The following TUBGCP3 variants were observed in gnomAD, a reference collection of about 807,000 sequenced individuals.
The protein encoded by TUBGCP3 is gamma-tubulin complex component 3.
In TUBGCP3, 50 loss-of-function variants were observed where a neutral mutation model predicts 123.1. That is an observed-to-expected ratio of 0.41 (90% CI 0.32 to 0.51). The LOEUF (loss-of-function observed/expected upper bound fraction) is 0.51. Ranked by LOEUF, TUBGCP3 falls within the 20% of genes least tolerant of loss-of-function variation. TUBGCP3 has a pLI of 0.36. For synonymous variants in TUBGCP3, 405 were observed against 413.9 expected (o/e 0.98, Z 0.26); for missense variants, 882 against 1,127.0 (o/e 0.78, Z 3.11).
At chr13:112,547,877 A>T in intron 9 of TUBGCP3, 125 bp from the exon 10 acceptor site, 1 of 1,104,292 alleles carries the variant, frequency 9.1e-7, no homozygotes, top group Non-Finnish European at 1.2e-6. Flanking sequence ...AGTCCCCTTT[A>T]AAAAAAAATA....
intron 1 of TUBGCP3, among the ~76,000 whole-genome samples, chr13:112,581,665 C>T (rs1363154597): frequency 6.6e-6 from 1 of 152,094 alleles, no homozygotes; most frequent in African/African-American, 2.4e-5. Flanking sequence ...AGGCTGGTCT[C>T]GAACTCCTGG....
intron 8 of TUBGCP3, among the ~76,000 whole-genome samples, chr13:112,549,746 T>C (rs1009707339): frequency 6.6e-6 from 1 of 151,770 alleles, no homozygotes; most frequent in Non-Finnish European, 1.5e-5. Context: ...TCCTAGCACT[T>C]TGGGAGGCCA....
chr13:112,495,105 T>C (rs148646529), intron 20 of TUBGCP3, among the ~76,000 whole-genome samples: 1 of 152,342 alleles, frequency 6.6e-6, no homozygotes, highest in East Asian at 1.9e-4. Context: ...TGGCTGCCAG[T>C]GCTTGCAGAG....
At chr13:112,551,788 C>G (rs1318590479) in intron 8 of TUBGCP3, among the ~76,000 whole-genome samples, 1 of 151,898 alleles carries the variant, frequency 6.6e-6, no homozygotes, top group Admixed American at 6.6e-5. Flanking sequence ...AAAGAAGAGC[C>G]TCTAAAGTCC....
At chr13:112,540,275 A>G in intron 11 of TUBGCP3, among the ~76,000 whole-genome samples, 1 of 142,898 alleles carries the variant, frequency 7.0e-6, no homozygotes, top group African/African-American at 2.5e-5. Context: ...ACGTCAATGT[A>G]GTAGCCTATG....
intron 1 of TUBGCP3, chr13:112,587,359 C>T (rs1270012541): frequency 8.5e-5 from 13 of 152,442 alleles, no homozygotes; most frequent in African/African-American, 3.1e-4. Context: ...TCGTTAACAC[C>T]CTCTTCCCAT....
In TUBGCP3 at chr13:112,516,553, C is replaced by T; in HGVS notation, c.1973G>A (p.Ser658Asn). 1.9e-6 allele frequency: 3 copies of T among 1,613,644 alleles called. No homozygotes were observed. Among genetic ancestry groups the T allele is most frequent in the Non-Finnish European group, 2.5e-6 (3 of 1,179,856 alleles). The stretch of plus-strand genomic sequence containing the variant: ...GAAGTTAAATACTCTTAGGTAGTGG[C>T]TCATACATTCTCGAGTAAACACCTG... ...IATVFTRECM[S>N]HYLRVFNFLW... The change falls in exon 17 of 22, where the codon AGC becomes AAC. Residue 658 changes from serine (S) to asparagine (N), a missense_variant. Physicochemically the swap from Ser to Asn is conservative, Grantham distance 46. Coordinates refer to ENST00000261965, the MANE Select transcript of TUBGCP3 (RefSeq NM_006322.6).
chr13:112,540,832 C>A (rs1376407073), intron 11 of TUBGCP3, among the ~76,000 whole-genome samples: 1 of 152,210 alleles, frequency 6.6e-6, no homozygotes, highest in Non-Finnish European at 1.5e-5. Flanking sequence ...AAGTGAAAAT[C>A]TTTGCCAATG....
chr13:112,589,350 A>AC (rs756519870), upstream of TUBGCP3, among the ~76,000 whole-genome samples: 9 of 152,200 alleles, frequency 5.9e-5, no homozygotes, highest in Non-Finnish European at 1.3e-4. Flanking sequence ...ACATGCAAGA[A>AC]CCCCCCTCAC....
intron 18 of TUBGCP3, 116 bp downstream of exon 18, chr13:112,504,510 A>T: frequency 1.5e-6 from 1 of 686,096 alleles, no homozygotes; most frequent in Non-Finnish European, 2.2e-6. Flanking sequence ...AGAAAAAATT[A>T]TGTATATATA....
intron 3 of TUBGCP3, among the ~76,000 whole-genome samples, chr13:112,560,809 C>T (rs9577801): frequency 0.16 from 23,986 of 152,140 alleles, 2,152 homozygotes; most frequent in Non-Finnish European, 0.21. Flanking sequence ...GCCAGGGCCA[C>T]GAGGATAAGA....
At chr13:112,596,942 A>C in the TUBGCP3 span, among the ~76,000 whole-genome samples, 1 of 152,214 alleles carries the variant, frequency 6.6e-6, no homozygotes, top group Non-Finnish European at 1.5e-5. Flanking sequence ...AAGGTACTGG[A>C]ACATAACGCA....
At chr13:112,597,843 A>T in the TUBGCP3 span, among the ~76,000 whole-genome samples, 1 of 152,272 alleles carries the variant, frequency 6.6e-6, no homozygotes, top group East Asian at 1.9e-4. Flanking sequence ...CATTCATATA[A>T]TTGGAATCCA....
chr13:112,489,780 G>C (rs960692794), intron 20 of TUBGCP3, 83 bp from the exon 21 acceptor site: 15 of 1,138,308 alleles, frequency 1.3e-5, no homozygotes, highest in African/African-American at 6.1e-5. Context: ...GGTATGTGAG[G>C]AGCAGGAGGT....
intron 20 of TUBGCP3, among the ~76,000 whole-genome samples, chr13:112,495,201 A>G (rs906221085): frequency 1.3e-5 from 2 of 152,096 alleles, no homozygotes; most frequent in Non-Finnish European, 2.9e-5. Flanking sequence ...GTGAGGTCTT[A>G]GATTTAAGTC....
chr13:112,536,721 G>T (rs1386901825), intron 11 of TUBGCP3, among the ~76,000 whole-genome samples: 3 of 152,098 alleles, frequency 2.0e-5, no homozygotes, highest in African/African-American at 7.2e-5. Flanking sequence ...TTATTATAAA[G>T]TATGTGTGGA....
At chr13:112,579,692 C>T (rs548570080) in intron 1 of TUBGCP3, among the ~76,000 whole-genome samples, 2 of 149,856 alleles carry the variant, frequency 1.3e-5, no homozygotes, top group East Asian at 2.0e-4. Context: ...CTGCTGTGTG[C>T]GGGTGGAGCC....
chr13:112,494,785 C>T (rs1880414925), intron 20 of TUBGCP3, among the ~76,000 whole-genome samples: 1 of 152,218 alleles, frequency 6.6e-6, no homozygotes, highest in Non-Finnish European at 1.5e-5. Flanking sequence ...GATGATAGCT[C>T]ACTGTAGTTT....
chr13:112,548,133 C>A lies in TUBGCP3; in HGVS notation c.1010G>T (p.Arg337Leu), dbSNP rs760378770. The change falls in exon 9 of 22, where the codon CGA becomes CTA. Residue 337 changes from arginine (R) to leucine (L), a missense_variant. This residue lies in a region of TUBGCP3 where 713 missense variants were observed against 874.0 expected (regional missense o/e 0.82). Coordinates refer to ENST00000261965, the MANE Select transcript of TUBGCP3 (RefSeq NM_006322.6). ...ALHQELREYY[R>L]LLSVLHSQLQ... Reference sequence around the variant, plus strand: ...CTGAGAATGTAAAACAGAGAGCAATCGATAGTATTCTCTGAGTTCCTGGTG... The same window carrying A: ...CTGAGAATGTAAAACAGAGAGCAATAGATAGTATTCTCTGAGTTCCTGGTG... The A allele has an allele frequency of 2.5e-6, 4 of 1,602,820 alleles. No individual in the cohort carries two copies. The highest frequency in any genetic ancestry group is 2.6e-6 in the Non-Finnish European group (3 of 1,173,566).
Sources: allele counts gnomAD v4.1 joint callset (sites outside exome capture counted in the v4.1 genomes callset), GRCh38; gene constraint gnomAD v4.1.1; regional missense constraint gnomAD v4.1.1; transcripts MANE v1.5; gene names NCBI Gene and HGNC (gene_info 2026-07-23, HGNC 2026-07-21).